PTPRT: variants seen among roughly 807,000 people sequenced by gnomAD.
PTPRT encodes receptor-type tyrosine-protein phosphatase T.
In PTPRT, 56 loss-of-function variants were observed where a neutral mutation model predicts 176.8. That is an observed-to-expected ratio of 0.32 (90% CI 0.26 to 0.40). The LOEUF is 0.40. PTPRT is among the 10% of genes least tolerant of loss of function. PTPRT has a pLI of 1.00. For missense variants in PTPRT, 1,540 were observed against 1,908.2 expected (o/e 0.81, Z 3.60); for synonymous variants, 783 against 739.0 (o/e 1.06, Z -0.96).
chr20:42,230,770 A>T (rs1399566294), intron 15 of PTPRT, among the ~76,000 whole-genome samples: 1 of 152,186 alleles, frequency 6.6e-6, no homozygotes, highest in African/African-American at 2.4e-5. Context: ...AGAATTGTGA[A>T]ATAGGCCTGA....
rs73118409 is a variant in PTPRT at position 42,174,670 on chromosome 20, G to C, written c.2492-13128C>G. Reference sequence around the variant, plus strand: ...TCTGATATATTGAGGAAAACGGCAAGTCCAATAGGAAAGACTGAGAGGCTC... The same window carrying C: ...TCTGATATATTGAGGAAAACGGCAACTCCAATAGGAAAGACTGAGAGGCTC... On this transcript the variant is annotated intron_variant, in intron 16 of 30. Coordinates refer to ENST00000373187, the MANE Select transcript of PTPRT (RefSeq NM_007050.6). Among the ~76,000 whole-genome samples the C allele has an allele frequency of 7.6e-3, 1,163 of 152,272 alleles. 8 individuals are homozygous for C. Among genetic ancestry groups the C allele is most frequent in the Non-Finnish European group, 0.011 (778 of 68,014 alleles).
chr20:42,102,739 A>G (rs191814610), intron 25 of PTPRT, among the ~76,000 whole-genome samples: 28 of 152,306 alleles, frequency 1.8e-4, no homozygotes, highest in Non-Finnish European at 3.4e-4. Flanking sequence ...CTCTTCTCAG[A>G]GAGAAAGCTG....
At chr20:43,000,550 T>C (rs1044954897) in intron 1 of PTPRT, among the ~76,000 whole-genome samples, 4 of 151,882 alleles carry the variant, frequency 2.6e-5, no homozygotes, top group Non-Finnish European at 4.4e-5. Context: ...AGTGACATGA[T>C]AGAGCTAGGA....
At chr20:42,391,113 T>G (rs1269434741) in intron 9 of PTPRT, among the ~76,000 whole-genome samples, 1 of 152,138 alleles carries the variant, frequency 6.6e-6, no homozygotes, top group East Asian at 1.9e-4. Context: ...ATTTGAGAAT[T>G]TTTTAGAGGA....
intron 12 of PTPRT, among the ~76,000 whole-genome samples, chr20:42,314,522 G>A (rs2057685836): frequency 1.1e-5 from 1 of 90,888 alleles, no homozygotes; most frequent in South Asian, 3.4e-4. Context: ...GAGTGAGACT[G>A]TGTCAAAAAA....
intron 1 of PTPRT, among the ~76,000 whole-genome samples, chr20:43,175,399 T>C (rs567797104): frequency 6.6e-6 from 1 of 152,370 alleles, no homozygotes; most frequent in East Asian, 1.9e-4. Context: ...TAAATTTGTC[T>C]TGAAAAGATG....
chr20:42,697,196 C>A (rs902249148), intron 6 of PTPRT, among the ~76,000 whole-genome samples: 1 of 152,104 alleles, frequency 6.6e-6, no homozygotes, highest in African/African-American at 2.4e-5. Context: ...TTCAGAATCA[C>A]CATTGAAGGT....
intron 2 of PTPRT, among the ~76,000 whole-genome samples, chr20:42,806,777 G>A (rs2077615999): frequency 6.6e-6 from 1 of 152,138 alleles, no homozygotes; most frequent in Admixed American, 6.6e-5. Context: ...GCTGTAGTTT[G>A]CTGACCTCTG....
At chr20:42,704,675 C>G (rs2076024512) in intron 6 of PTPRT, among the ~76,000 whole-genome samples, 2 of 152,272 alleles carry the variant, frequency 1.3e-5, no homozygotes, top group Non-Finnish European at 2.9e-5. Context: ...AACAAACCCT[C>G]ATGCCTCTCT....
Position 42,675,812 on chromosome 20 carries a change from G to A in PTPRT, c.1153+2054C>T, listed in dbSNP as rs568732805. On this transcript the variant is annotated intron_variant, in intron 7 of 30. Coordinates refer to ENST00000373187, the MANE Select transcript of PTPRT (RefSeq NM_007050.6). Reference sequence around the variant, plus strand: ...CACCACATTTTATTTTCTTAGGTGAGAACAAACATCAGAAGCAGTTGAGGA... The same window carrying A: ...CACCACATTTTATTTTCTTAGGTGAAAACAAACATCAGAAGCAGTTGAGGA... 2.6e-5 allele frequency among the ~76,000 whole-genome samples: 4 copies of A among 152,278 alleles called. No homozygotes were observed. The East Asian group carries it at 7.7e-4, about 29-fold the overall frequency.
At chr20:42,217,652 G>A (rs138594673) in intron 15 of PTPRT, among the ~76,000 whole-genome samples, 2 of 152,132 alleles carry the variant, frequency 1.3e-5, no homozygotes, top group South Asian at 2.1e-4. Flanking sequence ...TATTTGCTAC[G>A]TATGTGTTGG....
At chr20:42,590,727 G>C (rs1012472900) in intron 7 of PTPRT, among the ~76,000 whole-genome samples, 1 of 152,140 alleles carries the variant, frequency 6.6e-6, no homozygotes, top group African/African-American at 2.4e-5. Context: ...TCATTCTAAG[G>C]AATTTTGGGA....
intron 2 of PTPRT, among the ~76,000 whole-genome samples, chr20:42,885,378 A>G (rs2079086049): frequency 6.7e-6 from 1 of 148,476 alleles, no homozygotes; most frequent in Non-Finnish European, 1.5e-5. Context: ...ATATATAACA[A>G]TAATATAATA....
At chr20:42,331,025 T>G (rs1600845203) in intron 11 of PTPRT, among the ~76,000 whole-genome samples, 1 of 152,140 alleles carries the variant, frequency 6.6e-6, no homozygotes, top group East Asian at 1.9e-4. Context: ...AGCTTGCTGG[T>G]TTTTGTTTTG....
intron 7 of PTPRT, among the ~76,000 whole-genome samples, chr20:42,583,965 C>T (rs999293720): frequency 6.6e-6 from 1 of 152,160 alleles, no homozygotes; most frequent in Non-Finnish European, 1.5e-5. Context: ...ATTCTAGAGA[C>T]CACCATGGTG....
At chr20:42,085,980 T>C (rs965660321) in intron 27 of PTPRT, 127 bp from the exon 28 acceptor site, 3 of 1,178,784 alleles carry the variant, frequency 2.5e-6, no homozygotes, top group Non-Finnish European at 3.5e-6. Context: ...GGAGCATCAC[T>C]CTTGTTGCCC....
intron 8 of PTPRT, among the ~76,000 whole-genome samples, chr20:42,451,799 G>A (rs1326694877): frequency 6.6e-6 from 1 of 152,144 alleles, no homozygotes; most frequent in Non-Finnish European, 1.5e-5. Context: ...GAGAATGTTG[G>A]CATCACAAGC....
intron 1 of PTPRT, among the ~76,000 whole-genome samples, chr20:43,000,453 C>T (rs775466095): frequency 5.9e-5 from 9 of 151,332 alleles, no homozygotes; most frequent in Admixed American, 1.3e-4. Flanking sequence ...TGCTGTGTGA[C>T]AGCAATGACT....
intron 6 of PTPRT, among the ~76,000 whole-genome samples, chr20:42,733,893 T>C (rs1018765814): frequency 1.3e-5 from 2 of 152,256 alleles, no homozygotes; most frequent in South Asian, 2.1e-4. Flanking sequence ...GGCCAGGTGC[T>C]CTGGCAATGT....
Sources: allele counts gnomAD v4.1 joint callset (sites outside exome capture counted in the v4.1 genomes callset), GRCh38; gene constraint gnomAD v4.1.1; transcripts MANE v1.5; gene names NCBI Gene and HGNC (gene_info 2026-07-23, HGNC 2026-07-21).